The following CARD16 variants were observed in gnomAD, a reference collection of about 807,000 sequenced individuals.
CARD16 encodes caspase recruitment domain-containing protein 16.
A neutral mutation model predicts 11.9 loss-of-function variants in CARD16; 8 were observed. That is an observed-to-expected ratio of 0.67 (90% CI 0.39 to 1.21). The LOEUF (loss-of-function observed/expected upper bound fraction) is 1.21. CARD16 is among the 50% of genes most tolerant of loss of function. CARD16 has a pLI of 0.01. For missense variants in CARD16, 131 were observed against 118.1 expected, an observed-to-expected ratio of 1.11 and a Z score of -0.51; for synonymous variants, 44 against 43.8, an observed-to-expected ratio of 1.00 and a Z score of -0.02.
At chr11:105,042,198 C>G (rs1283218778) in intron 3 of CARD16, among the ~76,000 whole-genome samples, 1 of 151,826 alleles carries the variant, frequency 6.6e-6, no homozygotes, top group East Asian at 1.9e-4. Flanking sequence ...TTTTAATGAT[C>G]CCTTTTCCTG....
In CARD16 at chr11:105,041,689, A is replaced by G. The variant is rs747625512; in HGVS notation, c.*74T>C. The G allele has an allele frequency of 6.2e-6, 10 of 1,613,976 alleles. No individual in the cohort carries two copies. In the East Asian group the frequency reaches 1.8e-4, roughly 29 times the overall value. ...GCCTTCTGGGCTTGAGCATGTGGGC[A>G]TAGCTGGGTTGTCCTGCACTGCCTG... is the stretch of plus-strand genomic sequence containing the variant. On this transcript the variant is annotated 3_prime_UTR_variant, in exon 4 of 4. Transcript: ENST00000673097.
chr11:105,043,580 TA>T (rs754347807), intron 2 of CARD16, 35 bp from the exon 3 acceptor site: 1 of 1,503,902 alleles, frequency 6.6e-7, no homozygotes, highest in South Asian at 1.1e-5. Flanking sequence ...AATAGCCACT[TA>T]TCATCTCTGG....
Position 105,041,685 on chromosome 11 carries a change from G to A in CARD16, c.*78C>T, listed in dbSNP as rs1247691435. On this transcript the variant is annotated 3_prime_UTR_variant, in exon 4 of 4. Coordinates refer to ENST00000673097, the MANE Select transcript of CARD16 (RefSeq NM_052889.4). ...TTCTGCCTTCTGGGCTTGAGCATGTGGGCATAGCTGGGTTGTCCTGCACTG... is the reference window on the plus strand; with the variant it reads ...TTCTGCCTTCTGGGCTTGAGCATGTAGGCATAGCTGGGTTGTCCTGCACTG... 2 of 1,613,914 alleles carry A rather than the reference G, an allele frequency of 1.2e-6. No homozygotes were observed. The highest frequency in any genetic ancestry group is 1.3e-5 in the African/African-American group (1 of 75,024).
Position 105,045,292 on chromosome 11 carries a change from G to A in CARD16, c.6C>T (p.Ala2=), listed in dbSNP as rs1054313022. The A allele has an allele frequency of 1.2e-6, 2 of 1,613,806 alleles. No individual in the cohort carries two copies. The highest frequency in any genetic ancestry group is 1.7e-6 in the Non-Finnish European group (2 of 1,179,886). The change falls in exon 1 of 4, where the codon GCC becomes GCT. Residue 2 remains alanine, a splice_region_variant and synonymous_variant. Coordinates refer to ENST00000673097, the MANE Select transcript of CARD16 (RefSeq NM_052889.4). ...TTCTTGGAACAGTAAAAGACTCACC[G>A]GCCATGGCTTTTCTCTCCTACCCTT... M[A]DKVLKEKRKL... is the part of the protein sequence containing the mutation.
intron 3 of CARD16, 116 bp downstream of exon 3, chr11:105,043,367 T>G: frequency 1.7e-6 from 1 of 573,188 alleles, no homozygotes; most frequent in Non-Finnish European, 2.9e-6. Flanking sequence ...AAAAGAAAAT[T>G]ATATGATCAG....
rs1206682409 is a variant in CARD16 at position 105,044,426 on chromosome 11, G to C, written c.240C>G (p.Asp80Glu). 6 of 1,614,038 alleles carry C rather than the reference G, an allele frequency of 3.7e-6. No individual in the cohort carries two copies. The highest frequency in any genetic ancestry group is 3.3e-5 in the South Asian group (3 of 91,090). Residue 80 changes from aspartate to glutamate, a missense_variant, in exon 2 of 4, where the codon GAC becomes GAG. By Grantham distance (45) the Asp-to-Glu change is conservative. Coordinates refer to ENST00000673097, the MANE Select transcript of CARD16 (RefSeq NM_052889.4). Reference protein sequence around the residue: ...QICITYICEEDSYLAETLGLS... With the variant: ...QICITYICEEESYLAETLGLS... ...GTCCCAGCGTCTCTGCCAGGTAACT[G>C]TCTTCTTCACAAATGTATGTGATGC...
intron 3 of CARD16, 26 bp from the exon 4 acceptor site, chr11:105,041,745 A>T (rs758617399): frequency 6.2e-7 from 1 of 1,606,548 alleles, no homozygotes; most frequent in Non-Finnish European, 8.5e-7. Context: ...AATATCATGA[A>T]CAGTGGTATC....
chr11:105,045,062 G>T lies in CARD16; in HGVS notation c.7+229C>A, dbSNP rs988709550. The T allele has an allele frequency of 1.1e-5, 7 of 645,738 alleles. No homozygotes were observed. The Admixed American group carries it at 1.8e-4, about 16-fold the overall frequency. The allele number at this position is 645,738 out of a possible 1,614,324, so 40.0% of individuals were successfully genotyped here. A position where few individuals can be genotyped will look rare whatever the true frequency, so the allele number is the denominator to read the frequency against. On this transcript the variant is annotated intron_variant, in intron 1 of 3. Coordinates refer to ENST00000673097, the MANE Select transcript of CARD16 (RefSeq NM_052889.4). Reference sequence around the variant, plus strand: ...GGTAAGCAAGGGTTTAATTAAGATTGCAAAATGACAGCAGGCTACCCCTAA... The same window carrying T: ...GGTAAGCAAGGGTTTAATTAAGATTTCAAAATGACAGCAGGCTACCCCTAA...
chr11:105,042,229 C>A (rs1032196979), intron 3 of CARD16, among the ~76,000 whole-genome samples: 2 of 151,984 alleles, frequency 1.3e-5, no homozygotes, highest in African/African-American at 4.8e-5. Flanking sequence ...TCTCCTCCTA[C>A]AATGTATACA....
At position 105,045,318 on chromosome 11, in the gene CARD16, C is replaced by G; in HGVS notation, c.-21G>C. ...GCCATGGCTTTTCTCTCCTACCCTT[C>G]TTGTGTGGGCTGAAACTGAAAGTAT... On this transcript the variant is annotated 5_prime_UTR_variant, in exon 1 of 4. Coordinates refer to ENST00000673097, the MANE Select transcript of CARD16 (RefSeq NM_052889.4). 6.2e-7 allele frequency: 1 copy of G among 1,613,946 alleles called. No individual in the cohort carries two copies. The highest frequency in any genetic ancestry group is 8.5e-7 in the Non-Finnish European group (1 of 1,179,846).
At chr11:105,042,854 G>A (rs1164717218) in intron 3 of CARD16, among the ~76,000 whole-genome samples, 1 of 152,152 alleles carries the variant, frequency 6.6e-6, no homozygotes, top group Non-Finnish European at 1.5e-5. Flanking sequence ...ATTCAGTAGA[G>A]TAATATCTGA....
intron 2 of CARD16, 106 bp downstream of exon 2, chr11:105,044,286 A>C: frequency 6.4e-7 from 1 of 1,559,184 alleles, no homozygotes. Context: ...GCCCAAAGGC[A>C]GAGATAAGAA....
Position 105,042,331 on chromosome 11 carries a change from C to A in CARD16, c.*44-612G>T, listed in dbSNP as rs116677064. On this transcript the variant is annotated intron_variant, in intron 3 of 3. Coordinates refer to ENST00000673097, the MANE Select transcript of CARD16 (RefSeq NM_052889.4). ...AATCATGGTGTGCTCTAGATGGATT[C>A]ATAGCACTAAACATTGCTTTCACGA... Among the ~76,000 whole-genome samples, 383 of 152,242 alleles carry A rather than the reference C, an allele frequency of 2.5e-3. 3 individuals are homozygous for A. Among genetic ancestry groups the A allele is most frequent in the African/African-American group, 8.6e-3 (358 of 41,548 alleles).
At chr11:105,042,435 C>T (rs1382792952) in intron 3 of CARD16, among the ~76,000 whole-genome samples, 1 of 150,974 alleles carries the variant, frequency 6.6e-6, no homozygotes, top group Non-Finnish European at 1.5e-5. Flanking sequence ...TCAACACAAT[C>T]TGACAATGTG....
chr11:105,043,608 G>T, intron 2 of CARD16, 63 bp from the exon 3 acceptor site: 1 of 1,123,292 alleles, frequency 8.9e-7, no homozygotes, highest in Non-Finnish European at 1.4e-6. Flanking sequence ...TTACAGCAAT[G>T]CATAAGCCAC....
chr11:105,042,034 A>G (rs1591213977), intron 3 of CARD16, among the ~76,000 whole-genome samples: 1 of 152,228 alleles, frequency 6.6e-6, no homozygotes, highest in East Asian at 1.9e-4. Flanking sequence ...GTGATATAAA[A>G]TAGTTAAAAT....
At chr11:105,043,584 A>G (rs1864146214) in intron 2 of CARD16, 39 bp from the exon 3 acceptor site, 1 of 1,480,170 alleles carries the variant, frequency 6.8e-7, no homozygotes, top group African/African-American at 1.4e-5. Context: ...GCCACTTATC[A>G]TCTCTGGAAA....
intron 3 of CARD16, among the ~76,000 whole-genome samples, chr11:105,043,120 C>T (rs1169605556): frequency 1.3e-5 from 2 of 152,024 alleles, no homozygotes; most frequent in Non-Finnish European, 2.9e-5. Flanking sequence ...GCATCAAAAA[C>T]CAAGTTACAC....
chr11:105,042,509 C>G (rs1864128211), intron 3 of CARD16, among the ~76,000 whole-genome samples: 1 of 152,010 alleles, frequency 6.6e-6, no homozygotes, highest in Non-Finnish European at 1.5e-5. Flanking sequence ...TCTAGATATC[C>G]AGAGGATCTT....
Sources: allele counts gnomAD v4.1 joint callset (sites outside exome capture counted in the v4.1 genomes callset), GRCh38; gene constraint gnomAD v4.1.1; transcripts MANE v1.5; gene names NCBI Gene and HGNC (gene_info 2026-07-23, HGNC 2026-07-21).